ZNF585A: variants seen among roughly 807,000 people sequenced by gnomAD.
The protein encoded by ZNF585A is zinc finger protein 585A.
Under a neutral mutation model 14.9 loss-of-function variants are expected in ZNF585A, and 9 were observed. The observed-to-expected ratio is 0.60, with a 90% CI of 0.36 to 1.05. ZNF585A has a LOEUF of 1.05. ZNF585A is among the 50% of genes least tolerant of loss of function. ZNF585A has a pLI of 0.01. For synonymous variants in ZNF585A, 276 were observed against 319.9 expected (o/e 0.86, Z 1.46); for missense variants, 726 against 926.4 (o/e 0.78, Z 2.81).
At chr19:37,158,848 T>A (rs540397726) in intron 2 of ZNF585A, among the ~76,000 whole-genome samples, 15 of 152,334 alleles carry the variant, frequency 9.8e-5, no homozygotes, top group African/African-American at 3.4e-4. Flanking sequence ...GGAATTCATA[T>A]CTCTCCGAGA....
In ZNF585A at chr19:37,156,262, T is replaced by C. The variant is rs1469756126; in HGVS notation, c.166A>G (p.Met56Val). 5 of 1,614,138 alleles carry C rather than the reference T, an allele frequency of 3.1e-6. No homozygotes were observed. The highest frequency in any genetic ancestry group is 4.2e-6 in the Non-Finnish European group (5 of 1,180,012). The change falls in exon 3 of 5, where the codon ATG (methionine) becomes GTG (valine). Residue 56 changes from methionine to valine, a missense_variant. This residue lies in a region of ZNF585A where 483 missense variants were observed against 542.8 expected (regional missense o/e 0.89). Transcript: ENST00000292841. ...AGCAGGTGGCTGTAGGTCTCCAGCA[T>C]CACATCCCGGTACAGGTTTCTCTGA... ...PSQRNLYRDVMLETYSHLLSV... is the reference protein window; with the variant it reads ...PSQRNLYRDVVLETYSHLLSV...
intron 4 of ZNF585A, among the ~76,000 whole-genome samples, chr19:37,154,846 C>T (rs1003642146): frequency 6.6e-6 from 1 of 151,056 alleles, no homozygotes; most frequent in Non-Finnish European, 1.5e-5. Context: ...ATAAAAGTGA[C>T]TAGCAGGAGT....
chr19:37,169,799 T>C (rs747484595), intron 2 of ZNF585A, 40 bp downstream of exon 2: 146 of 1,604,960 alleles, frequency 9.1e-5, no homozygotes, highest in Non-Finnish European at 1.2e-4. Flanking sequence ...TACCTAGTCC[T>C]GGATTGAATT....
intron 2 of ZNF585A, among the ~76,000 whole-genome samples, chr19:37,156,798 T>A (rs1186623603): frequency 6.6e-6 from 1 of 152,094 alleles, no homozygotes; most frequent in Non-Finnish European, 1.5e-5. Flanking sequence ...TTCAAGAGAG[T>A]CTCCTACCTC....
intron 1 of ZNF585A, among the ~76,000 whole-genome samples, chr19:37,171,173 T>G (rs1395639441): frequency 6.6e-6 from 1 of 152,232 alleles, no homozygotes; most frequent in Non-Finnish European, 1.5e-5. Context: ...TTATGTGTAT[T>G]TGTTAAATCA....
At chr19:37,155,283 C>T (rs955769443) in intron 4 of ZNF585A, among the ~76,000 whole-genome samples, 51 of 151,826 alleles carry the variant, frequency 3.4e-4, no homozygotes, top group Non-Finnish European at 5.9e-4. Flanking sequence ...CCACCGCGCC[C>T]GGCCAAGAAA....
intron 2 of ZNF585A, among the ~76,000 whole-genome samples, chr19:37,156,873 G>A (rs1334910453): frequency 2.0e-5 from 3 of 152,140 alleles, no homozygotes; most frequent in African/African-American, 7.2e-5. Flanking sequence ...TGTATTTATA[G>A]TAGACACGGG....
chr19:37,167,249 A>G (rs970216519), intron 2 of ZNF585A, among the ~76,000 whole-genome samples: 1 of 152,206 alleles, frequency 6.6e-6, no homozygotes. Flanking sequence ...ATCTTGGCTC[A>G]CTGCAACCTC....
rs368107459 is a variant in ZNF585A at position 37,152,969 on chromosome 19, C to T, written c.930G>A (p.Lys310=). ...CSNCGKSFIS[K]SQLQVHQRVH... is the part of the protein sequence containing the mutation. ...CACGTTGATGTACCTGAAGTTGTGA[C>T]TTGGAAATGAAGGATTTGCCACAGT... is the stretch of plus-strand genomic sequence containing the variant. Residue 310 remains lysine, a synonymous_variant, in exon 5 of 5, where the codon AAG becomes AAA. Coordinates refer to ENST00000292841, the MANE Select transcript of ZNF585A (RefSeq NM_001288800.2). The T allele has an allele frequency of 2.0e-5, 32 of 1,614,054 alleles. No homozygotes were observed. Among genetic ancestry groups the T allele is most frequent in the Non-Finnish European group, 2.6e-5 (31 of 1,180,040 alleles).
Position 37,152,939 on chromosome 19 carries a change from G to T in ZNF585A, c.960C>A (p.His320Gln), listed in dbSNP as rs1971860872. ...KSQLQVHQRV[H>Q]TRVKPYICTE... ...TACATATATAGGGCTTCACTCTTGTGTGAACACGTTGATGTACCTGAAGTT... is the reference window on the plus strand; with the variant it reads ...TACATATATAGGGCTTCACTCTTGTTTGAACACGTTGATGTACCTGAAGTT... The change falls in exon 5 of 5, where the codon CAC (histidine) becomes CAA (glutamine). Residue 320 changes from histidine to glutamine, a missense_variant. Around this residue, in one of 2 missense-constraint regions of ZNF585A, gnomAD observed 483 missense variants for 542.8 expected, o/e 0.89. Transcript: ENST00000292841. 6 of 1,614,232 alleles carry T rather than the reference G, an allele frequency of 3.7e-6. No individual in the cohort carries two copies. The highest frequency in any genetic ancestry group is 1.3e-5 in the African/African-American group (1 of 75,052).
chr19:37,170,982 A>G (rs1039104408), intron 1 of ZNF585A, among the ~76,000 whole-genome samples: 1 of 152,226 alleles, frequency 6.6e-6, no homozygotes, highest in Non-Finnish European at 1.5e-5. Flanking sequence ...AATATACCAG[A>G]CAATATTGAT....
At chr19:37,160,665 C>T (rs1393780196) in intron 2 of ZNF585A, among the ~76,000 whole-genome samples, 1 of 151,980 alleles carries the variant, frequency 6.6e-6, no homozygotes, top group African/African-American at 2.4e-5. Flanking sequence ...AAAATAAACA[C>T]TCCAAGCTAA....
chr19:37,146,049 T>C lies in ZNF585A; in HGVS notation c.*5540A>G, dbSNP rs1330232392. 2 of 152,164 alleles carry C rather than the reference T, an allele frequency of 1.3e-5. No individual in the cohort carries two copies. The highest frequency in any genetic ancestry group is 2.9e-5 in the Non-Finnish European group (2 of 68,032). The allele number at this position is 152,164 out of a possible 1,614,324, so 9.4% of individuals were successfully genotyped here. ...ACGGTATGGTACGGTATGAGGAATG[T>C]GGAGTAGAGTGTGGTGGGGAGGTGT... On this transcript the variant is annotated 3_prime_UTR_variant, in exon 5 of 5. Coordinates refer to ENST00000292841, the MANE Select transcript of ZNF585A (RefSeq NM_001288800.2).
At chr19:37,164,053 G>A (rs1451500500) in intron 2 of ZNF585A, among the ~76,000 whole-genome samples, 1 of 152,144 alleles carries the variant, frequency 6.6e-6, no homozygotes, top group African/African-American at 2.4e-5. Context: ...GACACAATGT[G>A]AAATGAGTTT....
Position 37,151,770 on chromosome 19 carries a change from C to T in ZNF585A, c.2129G>A (p.Arg710Gln), listed in dbSNP as rs144602706. 40 of 1,613,694 alleles carry T rather than the reference C, an allele frequency of 2.5e-5. No individual in the cohort carries two copies. Among genetic ancestry groups the T allele is most frequent in the Non-Finnish European group, 3.1e-5 (37 of 1,179,912 alleles). The change falls in exon 5 of 5, where the codon CGA (arginine) becomes CAA (glutamine). Residue 710 changes from arginine to glutamine, a missense_variant. By Grantham distance (43) the Arg-to-Gln change is conservative (BLOSUM62 1). This residue lies in a region of ZNF585A where 243 missense variants were observed against 383.6 expected (regional missense o/e 0.63). Coordinates refer to ENST00000292841, the MANE Select transcript of ZNF585A (RefSeq NM_001288800.2). ...GTAAGGCTTCTCTCCAGTGTGAATTCGCTGATGCACTTGGAGCTGTGATTT... is the reference window on the plus strand; with the variant it reads ...GTAAGGCTTCTCTCCAGTGTGAATTTGCTGATGCACTTGGAGCTGTGATTT... Reference protein sequence around the residue: ...TKKSQLQVHQRIHTGEKPYVC... With the variant: ...TKKSQLQVHQQIHTGEKPYVC...
intron 2 of ZNF585A, among the ~76,000 whole-genome samples, chr19:37,163,539 G>A (rs79657525): frequency 0.022 from 3,341 of 150,936 alleles, 127 homozygotes; most frequent in African/African-American, 0.077. Flanking sequence ...GCAGATTAAG[G>A]CAAGTGAGCA....
chr19:37,160,429 AG>A (rs1971996427), intron 2 of ZNF585A, among the ~76,000 whole-genome samples: 5 of 151,546 alleles, frequency 3.3e-5, no homozygotes, highest in African/African-American at 1.2e-4. Flanking sequence ...AGCAAGCAGA[AG>A]GAACTAAATA....
chr19:37,169,818 C>A (rs775171896), intron 2 of ZNF585A, 21 bp downstream of exon 2: 4 of 1,609,550 alleles, frequency 2.5e-6, no homozygotes, highest in Non-Finnish European at 2.5e-6. Flanking sequence ...TTCCCACCCC[C>A]CTGGGACTCC....
Position 37,170,028 on chromosome 19 carries a change from AG to A in ZNF585A, c.-119del, listed in dbSNP as rs1373292305. 4 of 1,275,836 alleles carry A rather than the reference AG, an allele frequency of 3.1e-6. No homozygotes were observed. The East Asian group carries it at 7.6e-5, about 24-fold the overall frequency. 79.0% of individuals were successfully genotyped at this position (1,275,836 alleles called of 1,614,324 possible). On this transcript the variant is annotated 5_prime_UTR_variant, in exon 2 of 5. Coordinates refer to ENST00000292841, the MANE Select transcript of ZNF585A (RefSeq NM_001288800.2). ...TGGAGTCTAGAGGAAAATCTGGCCC[AG>A]GGGCTCCCCAGAGACACCCAGAAAC...
Sources: allele counts gnomAD v4.1 joint callset (sites outside exome capture counted in the v4.1 genomes callset), GRCh38; gene constraint gnomAD v4.1.1; regional missense constraint gnomAD v4.1.1; transcripts MANE v1.5; gene names NCBI Gene and HGNC (gene_info 2026-07-23, HGNC 2026-07-21).